SRPK2: variants seen among roughly 807,000 people sequenced by gnomAD.
The protein encoded by SRPK2 is SRSF protein kinase 2.
Under a neutral mutation model 90.8 loss-of-function variants are expected in SRPK2, and 21 were observed. That is an observed-to-expected ratio of 0.23 (90% CI 0.16 to 0.33). The LOEUF (loss-of-function observed/expected upper bound fraction) is 0.33. SRPK2 is among the 10% of genes least tolerant of loss of function. The pLI is 1.00. For synonymous variants in SRPK2, 288 were observed against 311.1 expected, an observed-to-expected ratio of 0.93 and a Z score of 0.78; for missense variants, 620 against 869.0, an observed-to-expected ratio of 0.71 and a Z score of 3.60.
intron 2 of SRPK2, among the ~76,000 whole-genome samples, chr7:105,356,518 C>A (rs890201034): frequency 6.6e-6 from 1 of 152,018 alleles, no homozygotes; most frequent in African/African-American, 2.4e-5. Context: ...GCCCAATACA[C>A]AATAAATACT....
At chr7:105,135,765 ATTT>A (rs56208863) in intron 11 of SRPK2, among the ~76,000 whole-genome samples, 1 of 141,618 alleles carries the variant, frequency 7.1e-6, no homozygotes, top group South Asian at 2.2e-4. Context: ...AATGCAGGGA[ATTT>A]TTTTTTTTTT....
intron 2 of SRPK2, among the ~76,000 whole-genome samples, chr7:105,238,959 C>T (rs907055544): frequency 3.3e-5 from 5 of 152,110 alleles, no homozygotes; most frequent in African/African-American, 9.7e-5. Context: ...TTGTGGTCTA[C>T]GGAGTCATTA....
intron 2 of SRPK2, among the ~76,000 whole-genome samples, chr7:105,336,796 T>C (rs1439133718): frequency 6.6e-6 from 1 of 151,920 alleles, no homozygotes; most frequent in Non-Finnish European, 1.5e-5. Context: ...TGAACATGGA[T>C]TGAGTTTCTG....
intron 6 of SRPK2, among the ~76,000 whole-genome samples, chr7:105,164,994 T>G (rs1203090591): frequency 6.6e-6 from 1 of 152,176 alleles, no homozygotes; most frequent in Non-Finnish European, 1.5e-5. Flanking sequence ...ATGAAAGTAC[T>G]GCCTACTCCA....
intron 2 of SRPK2, among the ~76,000 whole-genome samples, chr7:105,225,880 G>C (rs1188580824): frequency 6.6e-6 from 1 of 152,012 alleles, no homozygotes; most frequent in Non-Finnish European, 1.5e-5. Context: ...GCTATTTAAA[G>C]TAAAAATAAG....
intron 2 of SRPK2, among the ~76,000 whole-genome samples, chr7:105,378,169 C>T (rs571041978): frequency 2.6e-5 from 4 of 152,234 alleles, no homozygotes; most frequent in African/African-American, 9.6e-5. Flanking sequence ...AGTGTTTCTT[C>T]GGCATGGAAG....
intron 6 of SRPK2, among the ~76,000 whole-genome samples, chr7:105,165,502 A>G (rs1789924804): frequency 6.6e-6 from 1 of 152,154 alleles, no homozygotes; most frequent in South Asian, 2.1e-4. Flanking sequence ...TAAATGCACC[A>G]ATCAGTGCTC....
intron 2 of SRPK2, among the ~76,000 whole-genome samples, chr7:105,314,536 A>G (rs75616513): frequency 0.11 from 16,048 of 152,014 alleles, 2,702 homozygotes; most frequent in African/African-American, 0.36. Flanking sequence ...GGTGTGCACC[A>G]TCACGCCCGG....
At chr7:105,255,715 T>C (rs978509447) in intron 2 of SRPK2, among the ~76,000 whole-genome samples, 21 of 152,138 alleles carry the variant, frequency 1.4e-4, no homozygotes, top group Admixed American at 6.6e-4. Context: ...GCAGATCACC[T>C]GAGGTCAGGA....
intron 2 of SRPK2, among the ~76,000 whole-genome samples, chr7:105,277,825 A>G (rs2130745847): frequency 6.6e-6 from 1 of 152,354 alleles, no homozygotes; most frequent in Admixed American, 6.5e-5. Flanking sequence ...AATTCAATAA[A>G]ATACAAATCT....
chr7:105,173,557 A>G (rs1791427646), intron 3 of SRPK2, among the ~76,000 whole-genome samples: 1 of 152,026 alleles, frequency 6.6e-6, no homozygotes, highest in African/African-American at 2.4e-5. Context: ...AAAAATGAAC[A>G]CTCCAGTAAC....
chr7:105,354,975 T>C (rs1585855814), intron 2 of SRPK2, among the ~76,000 whole-genome samples: 4 of 152,340 alleles, frequency 2.6e-5, no homozygotes, highest in Admixed American at 2.6e-4. Context: ...AGATATTTGA[T>C]ATAAATTAAA....
At chr7:105,344,778 G>C (rs1294250650) in intron 2 of SRPK2, among the ~76,000 whole-genome samples, 1 of 151,310 alleles carries the variant, frequency 6.6e-6, no homozygotes, top group Non-Finnish European at 1.5e-5. Flanking sequence ...CTGGCCTCTG[G>C]GAAATGAACA....
intron 2 of SRPK2, among the ~76,000 whole-genome samples, chr7:105,317,299 G>C (rs1009469985): frequency 1.5e-4 from 23 of 152,158 alleles, no homozygotes; most frequent in African/African-American, 5.3e-4. Context: ...AAAGTTGCCA[G>C]GTTCATGTAA....
At chr7:105,290,852 C>G (rs1166718583) in intron 2 of SRPK2, among the ~76,000 whole-genome samples, 32 of 147,858 alleles carry the variant, frequency 2.2e-4, no homozygotes, top group East Asian at 6.0e-4. Flanking sequence ...TCCTGGCTAA[C>G]AAGGTGAAAC....
chr7:105,224,141 T>C (rs1391139293), intron 2 of SRPK2, among the ~76,000 whole-genome samples: 1 of 152,240 alleles, frequency 6.6e-6, no homozygotes, highest in Non-Finnish European at 1.5e-5. Context: ...ATCTGTACCA[T>C]ATTAAGCAGC....
At chr7:105,180,030 C>T (rs960559809) in intron 3 of SRPK2, among the ~76,000 whole-genome samples, 1 of 152,032 alleles carries the variant, frequency 6.6e-6, no homozygotes, top group Non-Finnish European at 1.5e-5. Flanking sequence ...AGATTCAATG[C>T]TATTCCTATC....
At chr7:105,374,346 T>C (rs1456715206) in intron 2 of SRPK2, among the ~76,000 whole-genome samples, 2 of 152,254 alleles carry the variant, frequency 1.3e-5, no homozygotes, top group African/African-American at 2.4e-5. Context: ...GTCCTACTCC[T>C]GCTGATTCTT....
chr7:105,124,470 C>A (rs1436631313), intron 15 of SRPK2, among the ~76,000 whole-genome samples: 1 of 151,012 alleles, frequency 6.6e-6, no homozygotes, highest in East Asian at 2.0e-4. Flanking sequence ...GTGAAAACCT[C>A]TCTCTACTAA....
Sources: allele counts gnomAD v4.1 joint callset (sites outside exome capture counted in the v4.1 genomes callset), GRCh38; gene constraint gnomAD v4.1.1; transcripts MANE v1.5; gene names NCBI Gene and HGNC (gene_info 2026-07-23, HGNC 2026-07-21).